Variants in FAR2 observed in about 807,000 individuals in gnomAD.
The protein encoded by FAR2 is epididymis secretory protein Li 81.
Under a neutral mutation model 56.0 loss-of-function variants are expected in FAR2, and 19 were observed. The ratio of observed to expected loss-of-function variants is 0.34; its 90% CI spans 0.24 to 0.50. The LOEUF (loss-of-function observed/expected upper bound fraction) is 0.50, where lower values mean the gene tolerates loss of function less well. FAR2 is among the 20% of genes least tolerant of loss of function. The pLI, the probability that FAR2 is intolerant of heterozygous loss-of-function variation, is 0.98. For missense variants in FAR2, 508 were observed against 642.2 expected, an observed-to-expected ratio of 0.79 and a Z score of 2.26; for synonymous variants, 219 against 218.8, an observed-to-expected ratio of 1.00 and a Z score of -0.01.
Position 29,293,483 on chromosome 12 carries a change from C to T in FAR2, c.365+8C>T. 6.6e-7 allele frequency: 1 copy of T among 1,524,310 alleles called. No homozygotes were observed. Among genetic ancestry groups the T allele is most frequent in the Non-Finnish European group, 8.8e-7 (1 of 1,134,866 alleles). 94.4% of individuals were successfully genotyped at this position (1,524,310 alleles called of 1,614,324 possible). On this transcript the variant is annotated splice_region_variant and intron_variant, in intron 3 of 11. Transcript: ENST00000536681. ...CTTTGACGACACTCTCAGGTACATTCCCATTTCCCTCTCATGGCTTGTATA... is the reference window on the plus strand; with the variant it reads ...CTTTGACGACACTCTCAGGTACATTTCCATTTCCCTCTCATGGCTTGTATA...
At chr12:29,302,555 C>T (rs569562163) in intron 4 of FAR2, among the ~76,000 whole-genome samples, 2 of 151,776 alleles carry the variant, frequency 1.3e-5, no homozygotes, top group African/African-American at 2.4e-5. Context: ...AGAGATCAAG[C>T]TGGAGGGGAG....
At chr12:29,253,531 A>G (rs535073820) in intron 1 of FAR2, among the ~76,000 whole-genome samples, 5 of 151,996 alleles carry the variant, frequency 3.3e-5, no homozygotes, top group Non-Finnish European at 7.4e-5. Context: ...ATGATAATCT[A>G]TTTGAAAAAG....
intron 3 of FAR2, among the ~76,000 whole-genome samples, chr12:29,295,234 T>A (rs1949040845): frequency 6.6e-6 from 1 of 152,056 alleles, no homozygotes; most frequent in African/African-American, 2.4e-5. Context: ...CCACCATGCC[T>A]AGCTAATTTT....
intron 1 of FAR2, among the ~76,000 whole-genome samples, chr12:29,239,452 CTGTGTGTGTGTGTGTGTG>C: frequency 6.8e-6 from 1 of 147,946 alleles, no homozygotes; most frequent in South Asian, 2.2e-4. Flanking sequence ...AATGAATCAA[CTGTGTGTGTGTGTGTGTG>C]TGTGTGTGTG....
Position 29,270,419 on chromosome 12 carries a change from T to C in FAR2, c.-31T>C. 4.7e-6 allele frequency: 7 copies of C among 1,501,102 alleles called. No individual in the cohort carries two copies. The highest frequency in any genetic ancestry group is 6.3e-6 in the Non-Finnish European group (7 of 1,113,678). 93.0% of individuals were successfully genotyped at this position (1,501,102 alleles called of 1,614,324 possible). ...ATTTCTCTTCCTTTTCAGGAACCTC[T>C]TTCAGGAGCTATAAAAGAAAGGGAG... On this transcript the variant is annotated 5_prime_UTR_variant, in exon 2 of 12. Transcript: ENST00000536681.
intron 1 of FAR2, among the ~76,000 whole-genome samples, chr12:29,240,720 G>A (rs553871558): frequency 6.6e-6 from 1 of 152,126 alleles, no homozygotes; most frequent in South Asian, 2.1e-4. Context: ...ATTAATCACA[G>A]GCACAAGGTA....
intron 1 of FAR2, among the ~76,000 whole-genome samples, chr12:29,208,333 A>G (rs1947500434): frequency 6.6e-6 from 1 of 152,180 alleles, no homozygotes; most frequent in East Asian, 1.9e-4. Flanking sequence ...CACTGAACAG[A>G]CACAGGCTAG....
At chr12:29,317,146 C>T in intron 9 of FAR2, 134 bp downstream of exon 9, 2 of 915,392 alleles carry the variant, frequency 2.2e-6, no homozygotes, top group Non-Finnish European at 3.0e-6. Context: ...TTGAACACAC[C>T]TAATCTGAAA....
At chr12:29,289,470 G>C (rs1948926990) in intron 2 of FAR2, among the ~76,000 whole-genome samples, 1 of 152,098 alleles carries the variant, frequency 6.6e-6, no homozygotes, top group Non-Finnish European at 1.5e-5. Context: ...AAATGGTGTT[G>C]GGAAAACGAT....
chr12:29,299,292 G>A (rs77873130), intron 4 of FAR2, among the ~76,000 whole-genome samples: 4,799 of 151,232 alleles, frequency 0.032, 100 homozygotes, highest in South Asian at 0.071. Flanking sequence ...GGCTTCTCTA[G>A]GTACTCCATA....
At position 29,192,829 on chromosome 12, in the gene FAR2, T is replaced by G. The variant is rs543618292; in HGVS notation, c.-39+43422T>G. On this transcript the variant is annotated intron_variant, in intron 1 of 11. Transcript: ENST00000536681. The stretch of plus-strand genomic sequence containing the variant: ...TAACAGTTCATGAAGCACAGGAGTC[T>G]GGTTGGCATAAATAAAAATGAAAGG... 2.0e-5 allele frequency among the ~76,000 whole-genome samples: 3 copies of G among 152,284 alleles called. No individual in the cohort carries two copies. The South Asian group carries it at 6.2e-4, about 32-fold the overall frequency.
chr12:29,263,581 A>G (rs922004738), intron 1 of FAR2, among the ~76,000 whole-genome samples: 1 of 151,920 alleles, frequency 6.6e-6, no homozygotes, highest in Non-Finnish European at 1.5e-5. Context: ...GAAAATTTAC[A>G]TGAAACAAAT....
chr12:29,319,982 A>G (rs2136809279), intron 9 of FAR2, among the ~76,000 whole-genome samples: 1 of 152,264 alleles, frequency 6.6e-6, no homozygotes, highest in South Asian at 2.1e-4. Flanking sequence ...AAGGAGTATC[A>G]CTTAAGCCCA....
intron 1 of FAR2, among the ~76,000 whole-genome samples, chr12:29,153,583 A>G (rs926642403): frequency 2.1e-4 from 32 of 152,220 alleles, no homozygotes; most frequent in African/African-American, 7.7e-4. Flanking sequence ...TTGCCATTGA[A>G]GACTTTTAAG....
chr12:29,280,641 G>A (rs1459226608), intron 2 of FAR2: 3 of 152,234 alleles, frequency 2.0e-5, no homozygotes, highest in Admixed American at 6.5e-5. Flanking sequence ...CACAGTAGGT[G>A]TAATTGGTAG....
chr12:29,274,445 A>G (rs1243524725), intron 2 of FAR2, among the ~76,000 whole-genome samples: 1 of 151,982 alleles, frequency 6.6e-6, no homozygotes. Flanking sequence ...GTCTATCATT[A>G]TTGGACATTT....
chr12:29,217,665 ACT>A, intron 1 of FAR2, among the ~76,000 whole-genome samples: 1 of 152,062 alleles, frequency 6.6e-6, no homozygotes, highest in Middle Eastern at 3.4e-3. Flanking sequence ...AAGTAATTAA[ACT>A]CTCCCTAGCT....
At chr12:29,184,221 G>T (rs947613748) in intron 1 of FAR2, among the ~76,000 whole-genome samples, 3 of 152,114 alleles carry the variant, frequency 2.0e-5, no homozygotes, top group Non-Finnish European at 4.4e-5. Flanking sequence ...CCAAGCCACA[G>T]AAATCAATTT....
chr12:29,150,861 A>C (rs1314933080), intron 1 of FAR2, among the ~76,000 whole-genome samples: 1 of 152,238 alleles, frequency 6.6e-6, no homozygotes, highest in East Asian at 1.9e-4. Flanking sequence ...AATTATCTAT[A>C]AAAGAGATGT....
Sources: allele counts gnomAD v4.1 joint callset (sites outside exome capture counted in the v4.1 genomes callset), GRCh38; gene constraint gnomAD v4.1.1; transcripts MANE v1.5; gene names NCBI Gene and HGNC (gene_info 2026-07-23, HGNC 2026-07-21).